Variants in GRM7 observed in about 807,000 individuals in gnomAD.
GRM7 encodes the protein glutamate metabotropic receptor 7.
GRM7 carries 35 observed loss-of-function variants against 84.5 expected under a neutral mutation model. The ratio of observed to expected loss-of-function variants is 0.41; its 90% CI spans 0.32 to 0.55. GRM7 has a LOEUF of 0.55. Ranked by LOEUF, GRM7 falls within the 20% of genes least tolerant of loss-of-function variation. The pLI is 0.19. For synonymous variants in GRM7, 487 were observed against 455.1 expected (o/e 1.07, Z -0.89); for missense variants, 1,003 against 1,194.6 (o/e 0.84, Z 2.36).
At chr3:7,652,365 G>T (rs1420779592) in intron 8 of GRM7, among the ~76,000 whole-genome samples, 2 of 152,198 alleles carry the variant, frequency 1.3e-5, no homozygotes, top group African/African-American at 2.4e-5. Context: ...CAGAAGGAAA[G>T]AGAGGGCCAC....
intron 1 of GRM7, among the ~76,000 whole-genome samples, chr3:7,078,812 T>C (rs1039456341): frequency 2.0e-5 from 3 of 151,682 alleles, no homozygotes; most frequent in African/African-American, 7.3e-5. Flanking sequence ...TAGGCTTCTC[T>C]CCTATTGGCA....
chr3:7,539,748 A>G (rs1170299736), intron 7 of GRM7, among the ~76,000 whole-genome samples: 3 of 152,012 alleles, frequency 2.0e-5, no homozygotes, highest in African/African-American at 4.8e-5. Flanking sequence ...TGAAATGCAG[A>G]AGGAGGAGTT....
In GRM7 at chr3:7,511,213, C is replaced by T. The variant is rs79609274; in HGVS notation, c.1515+49491C>T. On this transcript the variant is annotated intron_variant, in intron 7 of 9. Coordinates refer to ENST00000357716, the MANE Select transcript of GRM7 (RefSeq NM_000844.4). Reference sequence around the variant, plus strand: ...TGACTTAGTTTACATGCCTGGCCCTCGACTATAGGGGTTGTGGGGAAGGAA... The same window carrying T: ...TGACTTAGTTTACATGCCTGGCCCTTGACTATAGGGGTTGTGGGGAAGGAA... 3.9e-3 allele frequency among the ~76,000 whole-genome samples: 590 copies of T among 152,174 alleles called. 1 individual carries two copies. The highest frequency in any genetic ancestry group is 0.027 in the Middle Eastern group (8 of 294).
intron 1 of GRM7, among the ~76,000 whole-genome samples, chr3:7,106,274 CTTTTT>C (rs5846487): frequency 6.7e-6 from 1 of 149,118 alleles, no homozygotes; most frequent in Non-Finnish European, 1.5e-5. Context: ...ATTCATTTTT[CTTTTT>C]TTTTTATTAT....
At chr3:7,142,652 A>T (rs1297440188) in intron 1 of GRM7, among the ~76,000 whole-genome samples, 5 of 152,152 alleles carry the variant, frequency 3.3e-5, no homozygotes, top group Non-Finnish European at 2.9e-5. Flanking sequence ...TACAAAGCCT[A>T]ACCATATCAG....
rs907913906 is a variant in GRM7, at chr3:7,089,012, G to A, written c.520-57440G>A. On this transcript the variant is annotated intron_variant, in intron 1 of 9. Transcript: ENST00000357716. ...AAAGCCCAGTTTCTTCCAACCAAAA[G>A]CAAATGTCGATTACCAAACAGCAAC... Among the ~76,000 whole-genome samples, 10 of 152,178 alleles carry A rather than the reference G, an allele frequency of 6.6e-5. No homozygotes were observed. In the South Asian group the frequency reaches 8.3e-4, roughly 13 times the overall value.
At chr3:7,615,598 G>A (rs1184946704) in intron 8 of GRM7, among the ~76,000 whole-genome samples, 1 of 152,086 alleles carries the variant, frequency 6.6e-6, no homozygotes, top group Non-Finnish European at 1.5e-5. Context: ...TCTGAGTAAG[G>A]CTGGTTTTTA....
rs148444046 is a variant in GRM7 at position 7,548,464 on chromosome 3, C to T, written c.1516-29958C>T. Among the ~76,000 whole-genome samples, 4 of 152,294 alleles carry T rather than the reference C, an allele frequency of 2.6e-5. No homozygotes were observed. The East Asian group carries it at 7.7e-4, about 29-fold the overall frequency. ...TAAACCTCTTTATAAATTTCCCAGCCTCAGGTGTTTCTCTATAGCAACACA... is the reference window on the plus strand; with the variant it reads ...TAAACCTCTTTATAAATTTCCCAGCTTCAGGTGTTTCTCTATAGCAACACA... On this transcript the variant is annotated intron_variant, in intron 7 of 9. Transcript: ENST00000357716.
At chr3:7,083,145 A>G (rs547663110) in intron 1 of GRM7, among the ~76,000 whole-genome samples, 1 of 152,150 alleles carries the variant, frequency 6.6e-6, no homozygotes, top group Non-Finnish European at 1.5e-5. Context: ...CTACAGAGAA[A>G]TCTTTTGTGA....
At chr3:7,227,003 A>G (rs1181029652) in intron 2 of GRM7, among the ~76,000 whole-genome samples, 2 of 152,160 alleles carry the variant, frequency 1.3e-5, no homozygotes, top group Non-Finnish European at 2.9e-5. Flanking sequence ...GATTTTGCTA[A>G]GATTTACTGG....
chr3:7,435,722 C>G (rs995437031), intron 5 of GRM7, among the ~76,000 whole-genome samples: 9 of 138,104 alleles, frequency 6.5e-5, no homozygotes, highest in African/African-American at 1.9e-4. Flanking sequence ...GAGTCTCGCT[C>G]TCTCCCCCAG....
At chr3:7,181,340 T>C (rs999283886) in intron 2 of GRM7, among the ~76,000 whole-genome samples, 1 of 152,190 alleles carries the variant, frequency 6.6e-6, no homozygotes, top group East Asian at 1.9e-4. Flanking sequence ...TTCTTACCAG[T>C]CTGTAAGGGT....
rs189639777 is a variant in GRM7, at chr3:7,547,917, A to G, written c.1516-30505A>G. Among the ~76,000 whole-genome samples, 6 of 152,348 alleles carry G rather than the reference A, an allele frequency of 3.9e-5. No individual in the cohort carries two copies. In the East Asian group the frequency reaches 1.2e-3, roughly 29 times the overall value. ...TCACTAACTGGAGATCCTTTCCAGA[A>G]GAACTTGTTTGGAACAGAGAGAGGA... On this transcript the variant is annotated intron_variant, in intron 7 of 9. Transcript: ENST00000357716.
At position 7,478,824 on chromosome 3, in the gene GRM7, A is replaced by G. The variant is rs1647014715; in HGVS notation, c.1515+17102A>G. Among the ~76,000 whole-genome samples the G allele has an allele frequency of 2.0e-5, 3 of 152,206 alleles. No individual in the cohort carries two copies. In the South Asian group the frequency reaches 6.2e-4, roughly 31 times the overall value. Reference sequence around the variant, plus strand: ...TGTCTTGGCCCATCTCCCCCCAGGCATGCAGTCACCTGCACATCTTTGACG... The same window carrying G: ...TGTCTTGGCCCATCTCCCCCCAGGCGTGCAGTCACCTGCACATCTTTGACG... On this transcript the variant is annotated intron_variant, in intron 7 of 9. Transcript: ENST00000357716.
At chr3:7,111,261 C>A (rs903133425) in intron 1 of GRM7, among the ~76,000 whole-genome samples, 1 of 152,056 alleles carries the variant, frequency 6.6e-6, no homozygotes, top group Admixed American at 6.6e-5. Context: ...CATGGCCTCA[C>A]ATGCATTTGA....
chr3:7,329,038 A>G (rs897223409), intron 4 of GRM7, among the ~76,000 whole-genome samples: 3 of 146,488 alleles, frequency 2.0e-5, no homozygotes, highest in African/African-American at 7.5e-5. Flanking sequence ...CTCAGCCCCC[A>G]CCCCCACCAC....
chr3:7,301,667 A>G (rs553992511), intron 3 of GRM7, among the ~76,000 whole-genome samples: 2 of 112,996 alleles, frequency 1.8e-5, no homozygotes, highest in East Asian at 5.1e-4. Flanking sequence ...TTTGCATTGG[A>G]CTTGTTTGTG....
chr3:7,497,093 T>TCC (rs1699732996), intron 7 of GRM7, among the ~76,000 whole-genome samples: 1 of 135,080 alleles, frequency 7.4e-6, no homozygotes, highest in Non-Finnish European at 1.7e-5. Context: ...GCCATCAGGT[T>TCC]ATTTAGAACT....
chr3:7,367,938 C>CAA (rs56856057), intron 4 of GRM7, among the ~76,000 whole-genome samples: 2 of 126,128 alleles, frequency 1.6e-5, no homozygotes, highest in Non-Finnish European at 3.4e-5. Flanking sequence ...CATTAATCCT[C>CAA]AAAAAAAAAA....
Sources: allele counts gnomAD v4.1 joint callset (sites outside exome capture counted in the v4.1 genomes callset), GRCh38; gene constraint gnomAD v4.1.1; transcripts MANE v1.5; gene names NCBI Gene and HGNC (gene_info 2026-07-23, HGNC 2026-07-21).